LAMTOR2: variants seen among roughly 807,000 people sequenced by gnomAD.
LAMTOR2 encodes the protein late endosomal/lysosomal adaptor, MAPK and MTOR activator 2.
Under a neutral mutation model 15.8 loss-of-function variants are expected in LAMTOR2, and 4 were observed. The ratio of observed to expected loss-of-function variants is 0.25; its 90% CI spans 0.12 to 0.58. The LOEUF (loss-of-function observed/expected upper bound fraction) is 0.58, where lower values mean the gene tolerates loss of function less well. LAMTOR2 is among the 20% of genes least tolerant of loss of function. The pLI is 0.91. For missense variants in LAMTOR2, 100 were observed against 161.0 expected (o/e 0.62, Z 2.05); for synonymous variants, 62 against 64.1 (o/e 0.97, Z 0.15).
In LAMTOR2 at chr1:156,055,078, G is replaced by C; in HGVS notation, c.68+121G>C. On this transcript the variant is annotated intron_variant, in intron 1 of 3. Coordinates refer to ENST00000368305, the MANE Select transcript of LAMTOR2 (RefSeq NM_014017.4). The surrounding 1 kb of genome is among the most constrained non-coding windows in gnomAD (Gnocchi z 4.8). ...GAAGCGGCAGAGGGGGCAGCGGCTGGGGATACCGGCCGGGAGGTCCCCTGT... is the reference window on the plus strand; with the variant it reads ...GAAGCGGCAGAGGGGGCAGCGGCTGCGGATACCGGCCGGGAGGTCCCCTGT... 2.9e-6 allele frequency: 4 copies of C among 1,378,872 alleles called. No individual in the cohort carries two copies. Among genetic ancestry groups the C allele is most frequent in the Admixed American group, 3.5e-5 (2 of 57,656 alleles). The allele number at this position is 1,378,872 out of a possible 1,614,324, so 85.4% of individuals were successfully genotyped here. A position where few individuals can be genotyped will look rare whatever the true frequency, so the allele number is the denominator to read the frequency against.
intron 2 of LAMTOR2, 77 bp from the exon 3 acceptor site, chr1:156,057,901 C>T: frequency 1.5e-6 from 2 of 1,346,132 alleles, no homozygotes; most frequent in South Asian, 2.3e-5. Context: ...CTCTCTGGGG[C>T]CAGAGAAGCC....
chr1:156,054,878 G>A lies in LAMTOR2; in HGVS notation c.-12G>A, dbSNP rs373541746. On this transcript the variant is annotated 5_prime_UTR_variant, in exon 1 of 4. Coordinates refer to ENST00000368305, the MANE Select transcript of LAMTOR2 (RefSeq NM_014017.4). ...ATCTGGGTGCAAAAGCCCAGGGTTA[G>A]GAACCGTAGGCATGCTGCGCCCCAA... 6.2e-7 allele frequency: 1 copy of A among 1,612,470 alleles called. No homozygotes were observed. The highest frequency in any genetic ancestry group is 1.3e-5 in the African/African-American group (1 of 74,910).
intron 2 of LAMTOR2, among the ~76,000 whole-genome samples, chr1:156,057,177 C>CA (rs1002332400): frequency 0.35 from 29,750 of 84,530 alleles, 5,036 homozygotes; most frequent in East Asian, 0.84. Context: ...GACTCCATCT[C>CA]AAAAAAAAAA....
intron 3 of LAMTOR2, 124 bp downstream of exon 3, chr1:156,058,191 C>G (rs1367640123): frequency 7.3e-6 from 11 of 1,503,900 alleles, no homozygotes; most frequent in Non-Finnish European, 9.3e-6. Flanking sequence ...CTGGTGTGGG[C>G]CAGCTCCCAA....
In LAMTOR2 at chr1:156,054,971, A is replaced by G; in HGVS notation, c.68+14A>G. ...CCAGAGCACCCTGTGAGTGCAGACC[A>G]CGGACCCGAGCGGCGAGCGCTGCAG... On this transcript the variant is annotated intron_variant, in intron 1 of 3. Transcript: ENST00000368305. 1 of 1,610,364 alleles carries G rather than the reference A, an allele frequency of 6.2e-7. No individual in the cohort carries two copies. The highest frequency in any genetic ancestry group is 8.5e-7 in the Non-Finnish European group (1 of 1,178,894).
intron 2 of LAMTOR2, among the ~76,000 whole-genome samples, chr1:156,057,193 A>AAG (rs1553257335): frequency 2.0e-5 from 3 of 151,412 alleles, no homozygotes; most frequent in Admixed American, 6.6e-5. Context: ...AAAAAAAAAA[A>AAG]AAAGAAATAC....
In LAMTOR2 at chr1:156,058,009, A is replaced by G. The variant is rs1647429568; in HGVS notation, c.263A>G (p.Asn88Ser). 1.9e-6 allele frequency: 3 copies of G among 1,614,052 alleles called. No individual in the cohort carries two copies. The highest frequency in any genetic ancestry group is 1.1e-5 in the South Asian group (1 of 91,076). The change falls in exon 3 of 4, where the codon AAC becomes AGC. Residue 88 changes from asparagine (N) to serine (S), a missense_variant. Asn to Ser is a conservative substitution (Grantham distance 46). Transcript: ENST00000368305. ...CGTGTAGCCATCACCCGAGTGGCCA[A>G]CCTTCTGCTGTGTATGTATGCCAAG... ...EGRVAITRVA[N>S]LLLCMYAKET...
chr1:156,054,812 C>T lies in LAMTOR2; in HGVS notation c.-78C>T, dbSNP rs1647268706. ...GTCCCGGAGCAGGCCAACGGGACTA[C>T]GGGAAGCAGCGGGCAGCGGCCCGCG... On this transcript the variant is annotated 5_prime_UTR_variant, in exon 1 of 4. In the 5' UTR this introduces an upstream ATG that the reference lacks. Transcript: ENST00000368305. The T allele has an allele frequency of 2.1e-6, 3 of 1,451,390 alleles. No homozygotes were observed. The highest frequency in any genetic ancestry group is 1.8e-5 in the Admixed American group (1 of 55,818). 89.9% of individuals were successfully genotyped at this position (1,451,390 alleles called of 1,614,324 possible).
chr1:156,057,177 C>CAA lies in LAMTOR2; in HGVS notation c.232-783_232-782dup, dbSNP rs1002332400. Among the ~76,000 whole-genome samples, 596 of 84,814 alleles carry CAA rather than the reference C, an allele frequency of 7.0e-3. 7 individuals carry two copies. Among genetic ancestry groups the CAA allele is most frequent in the African/African-American group, 0.022 (502 of 22,640 alleles). 55.6% of individuals were successfully genotyped at this position (84,814 alleles called of 152,430 possible). A position where few individuals can be genotyped will look rare whatever the true frequency, so the allele number is the denominator to read the frequency against. ...TGGGCAACAGAGCAAGACTCCATCT[C>CAA]AAAAAAAAAAAAAAAAAAAGAAATA... On this transcript the variant is annotated intron_variant, in intron 2 of 3. Coordinates refer to ENST00000368305, the MANE Select transcript of LAMTOR2 (RefSeq NM_014017.4).
rs866006082 is a variant in LAMTOR2 at position 156,054,810 on chromosome 1, T to A, written c.-80T>A. 25 of 1,443,416 alleles carry A rather than the reference T, an allele frequency of 1.7e-5. No homozygotes were observed. In the Middle Eastern group the frequency reaches 1.8e-3, roughly 106 times the overall value. 89.4% of individuals were successfully genotyped at this position (1,443,416 alleles called of 1,614,324 possible). On this transcript the variant is annotated 5_prime_UTR_variant, in exon 1 of 4. Coordinates refer to ENST00000368305, the MANE Select transcript of LAMTOR2 (RefSeq NM_014017.4). ...GCGTCCCGGAGCAGGCCAACGGGACTACGGGAAGCAGCGGGCAGCGGCCCG... is the reference window on the plus strand; with the variant it reads ...GCGTCCCGGAGCAGGCCAACGGGACAACGGGAAGCAGCGGGCAGCGGCCCG...
rs769642365 is a variant in LAMTOR2 at position 156,055,458 on chromosome 1, C to T, written c.231+33C>T. On this transcript the variant is annotated intron_variant, in intron 2 of 3. Coordinates refer to ENST00000368305, the MANE Select transcript of LAMTOR2 (RefSeq NM_014017.4). The surrounding 1 kb of genome is among the most constrained non-coding windows in gnomAD (Gnocchi z 4.8). The stretch of plus-strand genomic sequence containing the variant: ...GAGGGGAGCCAGACTTCCCCTGTCC[C>T]CCAAAGGGGATCCCAAGGGGGCGAC... 14 of 1,613,400 alleles carry T rather than the reference C, an allele frequency of 8.7e-6. 1 individual carries two copies. In the South Asian group the frequency reaches 1.5e-4, roughly 18 times the overall value.
Position 156,058,458 on chromosome 1 carries a change from G to T in LAMTOR2, c.*87G>T. On this transcript the variant is annotated 3_prime_UTR_variant, in exon 4 of 4. Coordinates refer to ENST00000368305, the MANE Select transcript of LAMTOR2 (RefSeq NM_014017.4). ...TAGAAGAACCTTCTTAGACAATGGG[G>T]GGAGGATGGGACTTTGTTTTTTCCA... 7.2e-7 allele frequency: 1 copy of T among 1,387,954 alleles called. No individual in the cohort carries two copies. Among genetic ancestry groups the T allele is most frequent in the Non-Finnish European group, 1.0e-6 (1 of 977,086 alleles). The allele number at this position is 1,387,954 out of a possible 1,614,324, so 86.0% of individuals were successfully genotyped here.
chr1:156,058,154 G>C, intron 3 of LAMTOR2, 87 bp downstream of exon 3: 1 of 1,506,550 alleles, frequency 6.6e-7, no homozygotes. Flanking sequence ...CCTGTTTCTA[G>C]AGTTCTCATG....
chr1:156,056,122 G>C (rs1647357655), intron 2 of LAMTOR2: 1 of 152,932 alleles, frequency 6.5e-6, no homozygotes, highest in Non-Finnish European at 1.5e-5. Flanking sequence ...TCCTGCCCCA[G>C]CCTCCTGAGT....
chr1:156,058,367 CT>C lies in LAMTOR2; in HGVS notation c.376del (p.Ter126AsnfsTer22), dbSNP rs1647441845. 1 of 1,614,108 alleles carries C rather than the reference CT, an allele frequency of 6.2e-7. No homozygotes were observed. Among genetic ancestry groups the C allele is most frequent in the Non-Finnish European group, 8.5e-7 (1 of 1,179,998 alleles). ...GAGCCCCTCACCCAAGTGGCGGCAT[CT>C]TAACGGCATTGGTGGAAGCTGGGGT... ...LEEPLTQVAA[S>X] On this transcript the variant is annotated frameshift_variant, in exon 4 of 4. Coordinates refer to ENST00000368305, the MANE Select transcript of LAMTOR2 (RefSeq NM_014017.4). LOFTEE classifies it high-confidence loss of function.
At position 156,054,838 on chromosome 1, in the gene LAMTOR2, G is replaced by A; in HGVS notation, c.-52G>A. The A allele has an allele frequency of 1.9e-6, 3 of 1,579,022 alleles. No homozygotes were observed. Among genetic ancestry groups the A allele is most frequent in the Non-Finnish European group, 2.6e-6 (3 of 1,152,092 alleles). On this transcript the variant is annotated 5_prime_UTR_variant, in exon 1 of 4. Coordinates refer to ENST00000368305, the MANE Select transcript of LAMTOR2 (RefSeq NM_014017.4). ...GGGAAGCAGCGGGCAGCGGCCCGCG[G>A]GAGGCACCTCGGAGATCTGGGTGCA...
At chr1:156,058,256 G>T (rs755389855) in intron 3 of LAMTOR2, 59 bp from the exon 4 acceptor site, 3 of 1,610,672 alleles carry the variant, frequency 1.9e-6, no homozygotes, top group South Asian at 1.1e-5. Flanking sequence ...AGCAGACCTG[G>T]ATTTGGGGTC....
Position 156,055,029 on chromosome 1 carries a change from G to A in LAMTOR2, c.68+72G>A. The A allele has an allele frequency of 6.6e-7, 1 of 1,520,472 alleles. No homozygotes were observed. Among genetic ancestry groups the A allele is most frequent in the Non-Finnish European group, 9.0e-7 (1 of 1,105,162 alleles). 94.2% of individuals were successfully genotyped at this position (1,520,472 alleles called of 1,614,324 possible). A position where few individuals can be genotyped will look rare whatever the true frequency, so the allele number is the denominator to read the frequency against. On this transcript the variant is annotated intron_variant, in intron 1 of 3. Coordinates refer to ENST00000368305, the MANE Select transcript of LAMTOR2 (RefSeq NM_014017.4). The surrounding 1 kb of genome is among the most constrained non-coding windows in gnomAD (Gnocchi z 4.8). Reference sequence around the variant, plus strand: ...GCGCGCGGCTCCCTGAGGGAGGGGTGGGGAAGGATCACCAGGAAGGGAGGA... The same window carrying A: ...GCGCGCGGCTCCCTGAGGGAGGGGTAGGGAAGGATCACCAGGAAGGGAGGA...
At position 156,055,901 on chromosome 1, in the gene LAMTOR2, A is replaced by G. The variant is rs1647351226; in HGVS notation, c.231+476A>G. ...TCCAACCCCTTAAGCTTTCAAAGAA[A>G]GGAAAATGAAGTCCAGAAAGGGGAA... On this transcript the variant is annotated intron_variant, in intron 2 of 3. Coordinates refer to ENST00000368305, the MANE Select transcript of LAMTOR2 (RefSeq NM_014017.4). This position sits in a 1 kb window ranked among gnomAD's most constrained non-coding sequence, Gnocchi z 4.8. The G allele has an allele frequency of 5.5e-6, 1 of 182,590 alleles. No homozygotes were observed. The highest frequency in any genetic ancestry group is 1.2e-5 in the Non-Finnish European group (1 of 83,906). 11.3% of individuals were successfully genotyped at this position (182,590 alleles called of 1,614,324 possible).
Sources: allele counts gnomAD v4.1 joint callset (sites outside exome capture counted in the v4.1 genomes callset), GRCh38; gene constraint gnomAD v4.1.1; non-coding constraint Gnocchi (gnomAD v3.1); transcripts MANE v1.5; gene names NCBI Gene and HGNC (gene_info 2026-07-23, HGNC 2026-07-21).